The following SLC16A10 variants were observed in gnomAD, a reference collection of about 807,000 sequenced individuals.
The protein encoded by SLC16A10 is solute carrier family 16 member 10.
Under a neutral mutation model 40.0 loss-of-function variants are expected in SLC16A10, and 27 were observed. The ratio of observed to expected loss-of-function variants is 0.67; its 90% CI spans 0.50 to 0.93. The LOEUF (loss-of-function observed/expected upper bound fraction) is 0.93. Among genes scored for constraint, SLC16A10 ranks in the 40% least tolerant of loss-of-function variants. The pLI is 0.00. For missense variants in SLC16A10, 529 were observed against 658.2 expected, an observed-to-expected ratio of 0.80 and a Z score of 2.15; for synonymous variants, 213 against 249.8, an observed-to-expected ratio of 0.85 and a Z score of 1.39.
chr6:111,186,327 T>C (rs1049175641), intron 3 of SLC16A10, among the ~76,000 whole-genome samples: 1 of 152,266 alleles, frequency 6.6e-6, no homozygotes, highest in African/African-American at 2.4e-5. Flanking sequence ...ATCCTTGGAC[T>C]AATAATCAAA....
intron 1 of SLC16A10, among the ~76,000 whole-genome samples, chr6:111,140,210 C>A (rs527949768): frequency 6.6e-5 from 10 of 152,280 alleles, no homozygotes; most frequent in Admixed American, 3.9e-4. Context: ...TGCCTCTAAT[C>A]CCAGCACTTT....
At chr6:111,196,577 G>T (rs1253994326) in intron 3 of SLC16A10, among the ~76,000 whole-genome samples, 1 of 152,150 alleles carries the variant, frequency 6.6e-6, no homozygotes, top group African/African-American at 2.4e-5. Context: ...GAGAGGCCAA[G>T]GTGGGAGGAT....
intron 1 of SLC16A10, among the ~76,000 whole-genome samples, chr6:111,142,232 C>G (rs1212471031): frequency 6.6e-6 from 1 of 152,162 alleles, no homozygotes. Flanking sequence ...TACAGTTAAT[C>G]TTTGACAAAG....
intron 1 of SLC16A10, among the ~76,000 whole-genome samples, chr6:111,131,981 C>T (rs961960079): frequency 1.3e-5 from 2 of 152,186 alleles, no homozygotes; most frequent in Non-Finnish European, 2.9e-5. Context: ...TGGTTCAGAC[C>T]TTCATTTCCT....
At chr6:111,088,527 A>C (rs1375987113) in intron 1 of SLC16A10, among the ~76,000 whole-genome samples, 1 of 152,100 alleles carries the variant, frequency 6.6e-6, no homozygotes, top group African/African-American at 2.4e-5. Context: ...CCTGGGCCGC[A>C]GAGGGGTGTG....
rs1322662778 is a variant in SLC16A10, at chr6:111,227,564, T to A, written c.*5329T>A. 3 of 152,230 alleles carry A rather than the reference T, an allele frequency of 2.0e-5. No individual in the cohort carries two copies. The highest frequency in any genetic ancestry group is 1.9e-4 in the East Asian group (1 of 5,204). The allele number at this position is 152,230 out of a possible 1,614,324, so 9.4% of individuals were successfully genotyped here. ...CGTAGTTTACTTAGCTTGCCTTTTT[T>A]AAAATTATCAAATTTTAAATCGTAA... is the stretch of plus-strand genomic sequence containing the variant. On this transcript the variant is annotated 3_prime_UTR_variant, in exon 6 of 6. Transcript: ENST00000368851.
At chr6:111,122,041 A>G (rs1218209551) in intron 1 of SLC16A10, among the ~76,000 whole-genome samples, 1 of 152,006 alleles carries the variant, frequency 6.6e-6, no homozygotes, top group Non-Finnish European at 1.5e-5. Flanking sequence ...TTGGGTGATG[A>G]CTGGGTCACA....
At chr6:111,093,468 C>G (rs543557753) in intron 1 of SLC16A10, among the ~76,000 whole-genome samples, 1 of 152,184 alleles carries the variant, frequency 6.6e-6, no homozygotes, top group Non-Finnish European at 1.5e-5. Context: ...GTTAGTGCTT[C>G]CTCAGAAATT....
intron 1 of SLC16A10, among the ~76,000 whole-genome samples, chr6:111,122,030 C>T (rs1439413888): frequency 6.6e-6 from 1 of 152,132 alleles, no homozygotes; most frequent in Non-Finnish European, 1.5e-5. Context: ...TTGCCCTCAC[C>T]TTGGGTGATG....
At chr6:111,147,460 A>G (rs1003767178) in intron 1 of SLC16A10, among the ~76,000 whole-genome samples, 2 of 152,208 alleles carry the variant, frequency 1.3e-5, no homozygotes, top group African/African-American at 4.8e-5. Context: ...GAATAATGTG[A>G]TTGGTCAGTA....
intron 1 of SLC16A10, among the ~76,000 whole-genome samples, chr6:111,088,543 G>T (rs1303619460): frequency 6.6e-6 from 1 of 152,140 alleles, no homozygotes; most frequent in African/African-American, 2.4e-5. Flanking sequence ...GTGTGCGTAT[G>T]TTGGCGGGGC....
intron 1 of SLC16A10, among the ~76,000 whole-genome samples, chr6:111,129,182 T>C (rs1426996649): frequency 1.3e-5 from 2 of 152,138 alleles, no homozygotes; most frequent in Non-Finnish European, 2.9e-5. Flanking sequence ...CCCATGTCAG[T>C]TTTGGAGCTG....
chr6:111,170,958 C>T lies in SLC16A10; in HGVS notation c.344-1737C>T, dbSNP rs1020987448. ...TTTGAGACCAGCCTGGGCAACATGGCGAAACCTTGTCTCTACAAAAGATAC... is the reference window on the plus strand; with the variant it reads ...TTTGAGACCAGCCTGGGCAACATGGTGAAACCTTGTCTCTACAAAAGATAC... On this transcript the variant is annotated intron_variant, in intron 1 of 5. Transcript: ENST00000368851. Among the ~76,000 whole-genome samples, 17 of 152,040 alleles carry T rather than the reference C, an allele frequency of 1.1e-4. No homozygotes were observed. The East Asian group carries it at 1.2e-3, about 11-fold the overall frequency.
chr6:111,199,938 C>A, intron 3 of SLC16A10, among the ~76,000 whole-genome samples: 1 of 152,018 alleles, frequency 6.6e-6, no homozygotes, highest in East Asian at 1.9e-4. Flanking sequence ...CTGAACTCTT[C>A]TTTTTTCTGC....
At chr6:111,184,873 G>A (rs889986934) in intron 3 of SLC16A10, among the ~76,000 whole-genome samples, 11 of 152,312 alleles carry the variant, frequency 7.2e-5, no homozygotes, top group Non-Finnish European at 1.3e-4. Context: ...TTAGCTTTGA[G>A]TAGTGCCAGA....
chr6:111,160,715 A>G (rs1486562735), intron 1 of SLC16A10, among the ~76,000 whole-genome samples: 1 of 152,368 alleles, frequency 6.6e-6, no homozygotes, highest in Non-Finnish European at 1.5e-5. Context: ...TTACTGAGTT[A>G]TGGAACAACT....
At chr6:111,135,754 C>T (rs1264448900) in intron 1 of SLC16A10, among the ~76,000 whole-genome samples, 1 of 152,206 alleles carries the variant, frequency 6.6e-6, no homozygotes, top group Non-Finnish European at 1.5e-5. Flanking sequence ...TATTCTTGTC[C>T]TTTGGTATGC....
At chr6:111,143,800 A>G (rs992368688) in intron 1 of SLC16A10, among the ~76,000 whole-genome samples, 1 of 152,190 alleles carries the variant, frequency 6.6e-6, no homozygotes, top group Non-Finnish European at 1.5e-5. Context: ...CATAGATTCT[A>G]TAATACCAAC....
At chr6:111,102,547 T>A (rs778279395) in intron 1 of SLC16A10, among the ~76,000 whole-genome samples, 1 of 152,142 alleles carries the variant, frequency 6.6e-6, no homozygotes, top group African/African-American at 2.4e-5. Context: ...TTCATTCCCA[T>A]AGGTAATGAA....
Sources: allele counts gnomAD v4.1 joint callset (sites outside exome capture counted in the v4.1 genomes callset), GRCh38; gene constraint gnomAD v4.1.1; transcripts MANE v1.5; gene names NCBI Gene and HGNC (gene_info 2026-07-23, HGNC 2026-07-21).